The following BACH2 variants were observed in gnomAD, a reference collection of about 807,000 sequenced individuals.
BACH2 encodes the protein BACH transcriptional regulator 2.
In BACH2, 5 loss-of-function variants were observed where a neutral mutation model predicts 61.8. The observed-to-expected ratio is 0.08, with a 90% CI of 0.04 to 0.17. The LOEUF is 0.17. Ranked by LOEUF, BACH2 falls within the 10% of genes least tolerant of loss-of-function variation. BACH2 has a pLI of 1.00. For missense variants in BACH2, 824 were observed against 1,091.1 expected (o/e 0.76, Z 3.45); for synonymous variants, 446 against 440.1 (o/e 1.01, Z -0.17).
chr6:89,995,734 A>G (rs1444299112), intron 6 of BACH2, among the ~76,000 whole-genome samples: 1 of 152,196 alleles, frequency 6.6e-6, no homozygotes, highest in Non-Finnish European at 1.5e-5. Flanking sequence ...AACAGCTTTG[A>G]GAACAAGTGC....
At chr6:90,184,495 C>T (rs549566075) in intron 4 of BACH2, among the ~76,000 whole-genome samples, 24 of 152,334 alleles carry the variant, frequency 1.6e-4, no homozygotes, top group African/African-American at 5.5e-4. Context: ...TTCACTGCTG[C>T]TTTCCTGCCA....
intron 1 of BACH2, among the ~76,000 whole-genome samples, chr6:90,289,667 AAAAC>A (rs1316036257): frequency 2.0e-5 from 3 of 152,314 alleles, no homozygotes; most frequent in East Asian, 1.9e-4. Flanking sequence ...CAAAAAACAA[AAAAC>A]AAACAAACAA....
rs1769958061 is a variant in BACH2, at chr6:90,227,572, C to T, written c.-274-20891G>A. Among the ~76,000 whole-genome samples, 4 of 152,320 alleles carry T rather than the reference C, an allele frequency of 2.6e-5. No individual in the cohort carries two copies. The South Asian group carries it at 8.3e-4, about 32-fold the overall frequency. On this transcript the variant is annotated intron_variant, in intron 3 of 8. Coordinates refer to ENST00000257749, the MANE Select transcript of BACH2 (RefSeq NM_021813.4). ...ATTTCAAAAGAGAGGCATCCTAACCCCTTTTTCTTTTCTTGGAGATTACAG... is the reference window on the plus strand; with the variant it reads ...ATTTCAAAAGAGAGGCATCCTAACCTCTTTTTCTTTTCTTGGAGATTACAG...
intron 4 of BACH2, among the ~76,000 whole-genome samples, chr6:90,154,715 A>G (rs1361656455): frequency 6.6e-6 from 1 of 152,184 alleles, no homozygotes; most frequent in Non-Finnish European, 1.5e-5. Context: ...ATATCTGCCA[A>G]TGCTCAAAAC....
intron 1 of BACH2, among the ~76,000 whole-genome samples, chr6:90,280,378 T>G (rs1221857567): frequency 6.6e-6 from 1 of 152,192 alleles, no homozygotes; most frequent in Non-Finnish European, 1.5e-5. Context: ...GCAACCTAAC[T>G]TTGACATCGG....
At position 89,950,529 on chromosome 6, in the gene BACH2, T is replaced by C. The variant is rs1774014988; in HGVS notation, c.1577A>G (p.Tyr526Cys). ...CCCGCTCCCGTCCTCCGCGTAGGAA[T>C]AGGAAGAGCAGGAGCTGGAAGTCCT... is the stretch of plus-strand genomic sequence containing the variant. ...RTRTSSSCSS[Y>C]SYAEDGSGGS... Residue 526 changes from tyrosine to cysteine, a missense_variant, in exon 7 of 9, where the codon TAT becomes TGT. By Grantham distance (194) the Tyr-to-Cys change is radical (BLOSUM62 -2). Coordinates refer to ENST00000257749, the MANE Select transcript of BACH2 (RefSeq NM_021813.4). This position sits in a 1 kb window ranked among gnomAD's most constrained non-coding sequence, Gnocchi z 5.3. 1 of 1,612,400 alleles carries C rather than the reference T, an allele frequency of 6.2e-7. No homozygotes were observed. Among genetic ancestry groups the C allele is most frequent in the Non-Finnish European group, 8.5e-7 (1 of 1,178,916 alleles).
chr6:90,114,921 T>TAC (rs762875182), intron 4 of BACH2, among the ~76,000 whole-genome samples: 7 of 151,610 alleles, frequency 4.6e-5, no homozygotes, highest in South Asian at 4.2e-4. Context: ...TCATAATTGC[T>TAC]ACACACACAC....
intron 6 of BACH2, among the ~76,000 whole-genome samples, chr6:89,999,448 C>CTTT (rs59177752): frequency 2.3e-3 from 320 of 141,766 alleles, no homozygotes; most frequent in African/African-American, 7.6e-3. Flanking sequence ...TTTGTCACAC[C>CTTT]TTTTTTTTTT....
chr6:90,122,891 A>G (rs1783689518), intron 4 of BACH2, among the ~76,000 whole-genome samples: 1 of 152,238 alleles, frequency 6.6e-6, no homozygotes, highest in African/African-American at 2.4e-5. Flanking sequence ...ATAGTTACAC[A>G]TAAAAAAGAG....
chr6:89,996,025 C>CT (rs374875815), intron 6 of BACH2, among the ~76,000 whole-genome samples: 2 of 152,096 alleles, frequency 1.3e-5, no homozygotes, highest in Non-Finnish European at 2.9e-5. Context: ...GCCCCTGCCC[C>CT]TTTTTTTTCC....
At chr6:90,234,703 G>A (rs1770204516) in intron 3 of BACH2, among the ~76,000 whole-genome samples, 1 of 152,174 alleles carries the variant, frequency 6.6e-6, no homozygotes, top group African/African-American at 2.4e-5. Context: ...TGGTCACAGT[G>A]TATTCTTAGA....
intron 4 of BACH2, among the ~76,000 whole-genome samples, chr6:90,199,388 A>G (rs542778358): frequency 1.3e-5 from 2 of 152,360 alleles, no homozygotes; most frequent in East Asian, 1.9e-4. Context: ...TCTGGAATGT[A>G]TATGTTTCAT....
At chr6:90,113,897 A>G (rs111227762) in intron 4 of BACH2, among the ~76,000 whole-genome samples, 226 of 152,296 alleles carry the variant, frequency 1.5e-3, no homozygotes, top group Non-Finnish European at 2.9e-3. Flanking sequence ...ACACGTCTAC[A>G]CACACAAACT....
chr6:89,980,567 G>A (rs2128362934), intron 6 of BACH2, among the ~76,000 whole-genome samples: 1 of 152,324 alleles, frequency 6.6e-6, no homozygotes, highest in South Asian at 2.1e-4. Flanking sequence ...TTATGACCTG[G>A]TACAGTGCCT....
At position 89,976,824 on chromosome 6, in the gene BACH2, C is replaced by T. The variant is rs141907626; in HGVS notation, c.244-24962G>A. Among the ~76,000 whole-genome samples the T allele has an allele frequency of 4.6e-3, 706 of 152,286 alleles. 7 individuals are homozygous for T. Among genetic ancestry groups the T allele is most frequent in the African/African-American group, 0.016 (669 of 41,544 alleles). On this transcript the variant is annotated intron_variant, in intron 6 of 8. Coordinates refer to ENST00000257749, the MANE Select transcript of BACH2 (RefSeq NM_021813.4). ...TTAGGAGATAATTGTCCAGATACCTCGTTGGCTCTGGAGCAGGTAAAAAAA... is the reference window on the plus strand; with the variant it reads ...TTAGGAGATAATTGTCCAGATACCTTGTTGGCTCTGGAGCAGGTAAAAAAA...
chr6:90,279,120 G>GTC (rs1278749724), intron 1 of BACH2, among the ~76,000 whole-genome samples: 1 of 152,082 alleles, frequency 6.6e-6, no homozygotes, highest in African/African-American at 2.4e-5. Context: ...GACAGACCAG[G>GTC]TTTAGAGTTC....
chr6:89,989,913 T>C (rs1776451499), intron 6 of BACH2, among the ~76,000 whole-genome samples: 1 of 152,186 alleles, frequency 6.6e-6, no homozygotes, highest in Non-Finnish European at 1.5e-5. Context: ...AGAATGTGTG[T>C]CCCTCATGGA....
intron 3 of BACH2, among the ~76,000 whole-genome samples, chr6:90,223,268 T>C (rs142180676): frequency 5.9e-5 from 9 of 152,324 alleles, no homozygotes; most frequent in African/African-American, 1.9e-4. Flanking sequence ...GAAGCAAAGC[T>C]ACGACATAAT....
chr6:90,140,472 G>A (rs1016585620), intron 4 of BACH2, among the ~76,000 whole-genome samples: 2 of 152,132 alleles, frequency 1.3e-5, no homozygotes, highest in Admixed American at 6.5e-5. Context: ...TGAATTGAAG[G>A]AAAATGATAG....
Sources: gnomAD v4.1 joint callset for allele counts (sites outside exome capture counted in the v4.1 genomes callset) on GRCh38, gnomAD v4.1.1 for gene constraint, Gnocchi (gnomAD v3.1) non-coding constraint, MANE v1.5 for transcripts, NCBI Gene and HGNC (gene_info 2026-07-23, HGNC 2026-07-21) for gene names.